Variants in MCTP2 observed in about 807,000 individuals in gnomAD.
MCTP2 encodes multiple C2 and transmembrane domain containing 2, also known as multiple C2 and transmembrane domain-containing protein 2.
Under a neutral mutation model 111.6 loss-of-function variants are expected in MCTP2, and 132 were observed. That is an observed-to-expected ratio of 1.18 (90% CI 1.03 to 1.37). The LOEUF is 1.37. Ranked by LOEUF, MCTP2 falls within the 40% of genes most tolerant of loss-of-function variation. MCTP2 has a pLI of 0.00. For missense variants in MCTP2, 1,183 were observed against 1,067.9 expected (o/e 1.11, Z -1.50); for synonymous variants, 395 against 387.7 (o/e 1.02, Z -0.22).
chr15:94,302,995 A>C (rs1308054534), intron 2 of MCTP2, among the ~76,000 whole-genome samples: 2 of 150,976 alleles, frequency 1.3e-5, no homozygotes, highest in Non-Finnish European at 2.9e-5. Flanking sequence ...GGCAGCCAGC[A>C]AAGGGAGAGA....
At position 94,315,540 on chromosome 15, in the gene MCTP2, A is replaced by G. The variant is rs760127443; in HGVS notation, c.540A>G (p.Glu180=). 2.6e-5 allele frequency: 42 copies of G among 1,613,728 alleles called. No homozygotes were observed. Among genetic ancestry groups the G allele is most frequent in the Non-Finnish European group, 3.6e-5 (42 of 1,179,798 alleles). The change falls in exon 4 of 23, where the codon GAA becomes GAG. Residue 180 remains glutamate (E), a synonymous_variant. Transcript: ENST00000357742. ...QHFEEQSVPG[E]ASDGLSNLPS... ...CTCCATCTGTGCAGGTACCGGGGGA[A>G]GCCAGTGATGGCTTGAGTAACCTCC...
chr15:94,338,149 C>T (rs1333147854), intron 4 of MCTP2, among the ~76,000 whole-genome samples: 1 of 152,112 alleles, frequency 6.6e-6, no homozygotes, highest in Non-Finnish European at 1.5e-5. Flanking sequence ...ATCAGCAATT[C>T]ATTTCAATAA....
At chr15:94,342,998 A>G (rs1408618237) in intron 7 of MCTP2, 1 of 144,194 alleles carries the variant, frequency 6.9e-6, no homozygotes, top group Non-Finnish European at 1.5e-5. Context: ...ATATATACAC[A>G]TATACACATA....
intron 17 of MCTP2, among the ~76,000 whole-genome samples, chr15:94,434,857 C>CTTTT (rs751539621): frequency 2.2e-5 from 3 of 139,044 alleles, no homozygotes; most frequent in Non-Finnish European, 3.1e-5. Flanking sequence ...TTCTTTCTTT[C>CTTTT]TTTTTTTTTT....
chr15:94,298,644 C>A lies in MCTP2; in HGVS notation c.379C>A (p.Pro127Thr). ...ETDSEEAYAS[P>T]AERRRVSSNG... ...AGACTCAGAGGAGGCCTATGCCTCT[C>A]CTGCTGAGCGGAGACGGGTGTCCAG... is the stretch of plus-strand genomic sequence containing the variant. The change falls in exon 2 of 23, where the codon CCT becomes ACT. Residue 127 changes from proline (P) to threonine (T), a missense_variant. Physicochemically the swap from Pro to Thr is conservative, Grantham distance 38. Coordinates refer to ENST00000357742, the MANE Select transcript of MCTP2 (RefSeq NM_001385001.1). 6.2e-7 allele frequency: 1 copy of A among 1,614,062 alleles called. No individual in the cohort carries two copies. The highest frequency in any genetic ancestry group is 8.5e-7 in the Non-Finnish European group (1 of 1,180,006).
At chr15:94,325,689 G>A (rs984042620) in intron 4 of MCTP2, among the ~76,000 whole-genome samples, 1 of 151,974 alleles carries the variant, frequency 6.6e-6, no homozygotes, top group African/African-American at 2.4e-5. Flanking sequence ...GTGGATTGAG[G>A]TTTAATTTTC....
chr15:94,478,860 G>T, intron 22 of MCTP2, 106 bp from the exon 23 acceptor site: 2 of 869,844 alleles, frequency 2.3e-6, no homozygotes, highest in South Asian at 2.8e-5. Flanking sequence ...CATTACCTTT[G>T]AACCTTCCTT....
chr15:94,367,832 C>T, intron 11 of MCTP2, 41 bp downstream of exon 11: 1 of 1,514,064 alleles, frequency 6.6e-7, no homozygotes, highest in Non-Finnish European at 8.9e-7. Flanking sequence ...CTCCTCCCAC[C>T]TTCTCTTTTA....
chr15:94,435,491 G>T (rs1048327113), intron 17 of MCTP2, among the ~76,000 whole-genome samples: 1 of 151,534 alleles, frequency 6.6e-6, no homozygotes, highest in African/African-American at 2.4e-5. Flanking sequence ...AAATGATTTC[G>T]ATATTTTAAT....
In MCTP2 at chr15:94,307,603, G is replaced by A. The variant is rs531891343; in HGVS notation, c.466-6679G>A. 5.3e-5 allele frequency among the ~76,000 whole-genome samples: 8 copies of A among 152,260 alleles called. No homozygotes were observed. The East Asian group carries it at 7.7e-4, about 15-fold the overall frequency. On this transcript the variant is annotated intron_variant, in intron 2 of 22. Transcript: ENST00000357742. ...TAGCTGCTTAGTGCACTGAATGAGCGGGATGCACAGGAGCCCCATGGGCTC... is the reference window on the plus strand; with the variant it reads ...TAGCTGCTTAGTGCACTGAATGAGCAGGATGCACAGGAGCCCCATGGGCTC...
chr15:94,308,436 C>T (rs1468965225), intron 2 of MCTP2, among the ~76,000 whole-genome samples: 1 of 152,196 alleles, frequency 6.6e-6, no homozygotes, highest in Non-Finnish European at 1.5e-5. Context: ...CTAGAGTGCT[C>T]TCCAGGGCCG....
intron 10 of MCTP2, among the ~76,000 whole-genome samples, chr15:94,360,693 T>G (rs2078882969): frequency 6.6e-6 from 1 of 152,150 alleles, no homozygotes; most frequent in African/African-American, 2.4e-5. Context: ...AGTGTTGGGT[T>G]GCTTCACAGA....
intron 20 of MCTP2, among the ~76,000 whole-genome samples, chr15:94,469,288 G>GGAAT (rs983442198): frequency 6.6e-6 from 1 of 152,136 alleles, no homozygotes; most frequent in African/African-American, 2.4e-5. Context: ...TCGATCTCTA[G>GGAAT]GAATGCACAT....
At chr15:94,309,162 T>C (rs1360876440) in intron 2 of MCTP2, among the ~76,000 whole-genome samples, 1 of 152,222 alleles carries the variant, frequency 6.6e-6, no homozygotes, top group Non-Finnish European at 1.5e-5. Context: ...CTCATTGCCA[T>C]GTAGCTCACT....
rs776307709 is a variant in MCTP2 at position 94,482,626 on chromosome 15, AG to A, written c.*3593del. 2 of 152,258 alleles carry A rather than the reference AG, an allele frequency of 1.3e-5. No individual in the cohort carries two copies. The highest frequency in any genetic ancestry group is 2.4e-5 in the African/African-American group (1 of 41,470). 9.4% of individuals were successfully genotyped at this position (152,258 alleles called of 1,614,324 possible). Reference sequence around the variant, plus strand: ...AGGTAATGGAATATATAGTTCTCAGAGAAGTAACACACTGTACTTGAGATGT... The same window carrying A: ...AGGTAATGGAATATATAGTTCTCAGAAAGTAACACACTGTACTTGAGATGT... On this transcript the variant is annotated 3_prime_UTR_variant, in exon 23 of 23. Transcript: ENST00000357742.
intron 17 of MCTP2, among the ~76,000 whole-genome samples, chr15:94,413,316 T>A (rs3784644): frequency 0.19 from 28,495 of 152,088 alleles, 2,966 homozygotes; most frequent in East Asian, 0.35. Context: ...TACTTTTCTG[T>A]TTTTATAATA....
chr15:94,322,182 A>C (rs1247968824), intron 4 of MCTP2, among the ~76,000 whole-genome samples: 1 of 152,218 alleles, frequency 6.6e-6, no homozygotes, highest in Non-Finnish European at 1.5e-5. Flanking sequence ...CTAATTAATC[A>C]CATATTTTTT....
intron 21 of MCTP2, among the ~76,000 whole-genome samples, chr15:94,471,789 T>A (rs2152541331): frequency 6.6e-6 from 1 of 151,182 alleles, no homozygotes; most frequent in African/African-American, 2.4e-5. Context: ...TTTTCCTGAA[T>A]AATTTATATA....
chr15:94,419,615 C>T (rs2082531575), intron 17 of MCTP2, among the ~76,000 whole-genome samples: 1 of 152,126 alleles, frequency 6.6e-6, no homozygotes, highest in African/African-American at 2.4e-5. Flanking sequence ...CCACTGATTT[C>T]TTCCGAAAGT....
Sources: gnomAD v4.1 joint callset for allele counts (sites outside exome capture counted in the v4.1 genomes callset) on GRCh38, gnomAD v4.1.1 for gene constraint, MANE v1.5 for transcripts, NCBI Gene and HGNC (gene_info 2026-07-23, HGNC 2026-07-21) for gene names.